TNPO1: variants seen among roughly 807,000 people sequenced by gnomAD.
TNPO1 encodes the protein transportin-1.
TNPO1 carries 8 observed loss-of-function variants against 119.5 expected under a neutral mutation model. That is an observed-to-expected ratio of 0.07 (90% CI 0.04 to 0.12). The LOEUF is 0.12. TNPO1 is among the 10% of genes least tolerant of loss of function. The probability of loss-of-function intolerance (pLI) is 1.00; values close to 1 mark genes in which losing one functional copy is unlikely to be tolerated. For missense variants in TNPO1, 576 were observed against 1,089.8 expected, an observed-to-expected ratio of 0.53 and a Z score of 6.64; for synonymous variants, 362 against 363.0, an observed-to-expected ratio of 1.00 and a Z score of 0.03.
chr5:72,827,042 A>G (rs1321273198), intron 1 of TNPO1, among the ~76,000 whole-genome samples: 1 of 152,146 alleles, frequency 6.6e-6, no homozygotes, highest in Non-Finnish European at 1.5e-5. Flanking sequence ...TAGAGAGAAA[A>G]GGAAGAGGAC....
chr5:72,858,815 T>C (rs1465851807), intron 4 of TNPO1, among the ~76,000 whole-genome samples: 2 of 151,876 alleles, frequency 1.3e-5, no homozygotes, highest in South Asian at 2.1e-4. Context: ...CCAGCCTGGA[T>C]GACAGAGTGA....
intron 11 of TNPO1, among the ~76,000 whole-genome samples, chr5:72,885,939 G>A (rs546309713): frequency 6.6e-5 from 10 of 152,186 alleles, no homozygotes; most frequent in Admixed American, 5.2e-4. Context: ...ATGACAGAAG[G>A]ACACACTTAA....
intron 7 of TNPO1, among the ~76,000 whole-genome samples, chr5:72,874,008 T>A (rs149132348): frequency 1.3e-5 from 2 of 152,120 alleles, no homozygotes; most frequent in Non-Finnish European, 2.9e-5. Flanking sequence ...CAGCACCTTA[T>A]AAGGAAATAT....
chr5:72,818,821 A>C (rs1426260812), intron 1 of TNPO1, among the ~76,000 whole-genome samples: 1 of 152,238 alleles, frequency 6.6e-6, no homozygotes, highest in South Asian at 2.1e-4. Context: ...TTCAAAAACA[A>C]TGGCGAACAA....
intron 9 of TNPO1, among the ~76,000 whole-genome samples, chr5:72,879,495 A>G (rs1276793840): frequency 6.6e-6 from 1 of 152,056 alleles, no homozygotes; most frequent in Non-Finnish European, 1.5e-5. Context: ...ACATTAAACA[A>G]CTCAAGCCAG....
chr5:72,865,253 C>G (rs1029085071), intron 5 of TNPO1, among the ~76,000 whole-genome samples: 1 of 151,930 alleles, frequency 6.6e-6, no homozygotes, highest in Non-Finnish European at 1.5e-5. Context: ...ACCAGCCTGG[C>G]CAACACAGTG....
At chr5:72,849,197 A>T (rs1745357682) in intron 2 of TNPO1, among the ~76,000 whole-genome samples, 1 of 152,166 alleles carries the variant, frequency 6.6e-6, no homozygotes, top group Non-Finnish European at 1.5e-5. Context: ...ACAATTATGT[A>T]GGTCTTTACC....
intron 7 of TNPO1, 37 bp downstream of exon 7, chr5:72,872,757 CTTT>C: frequency 1.7e-6 from 2 of 1,183,496 alleles, no homozygotes; most frequent in South Asian, 1.6e-5. Context: ...AACCCCCCAG[CTTT>C]TTTTTTTTGA....
rs375004939 is a variant in TNPO1, at chr5:72,876,480, CACT to C, written c.802-741_802-739del. 2.9e-3 allele frequency among the ~76,000 whole-genome samples: 444 copies of C among 152,302 alleles called. 3 individuals are homozygous for C. Among genetic ancestry groups the C allele is most frequent in the South Asian group, 0.016 (79 of 4,820 alleles). On this transcript the variant is annotated intron_variant, in intron 8 of 24. Transcript: ENST00000337273. Reference sequence around the variant, plus strand: ...AAATTATATTCGCACTAAGAGATGTCACTACTACTTCCCAAATGAAAAATTATC... The same window carrying C: ...AAATTATATTCGCACTAAGAGATGTCACTACTTCCCAAATGAAAAATTATC...
intron 1 of TNPO1, among the ~76,000 whole-genome samples, chr5:72,845,132 GTTAATA>G (rs970607246): frequency 3.8e-4 from 56 of 149,276 alleles, no homozygotes; most frequent in African/African-American, 1.3e-3. Flanking sequence ...AAGTTGTAAA[GTTAATA>G]TTAGTGTAGT....
intron 22 of TNPO1, among the ~76,000 whole-genome samples, chr5:72,902,552 A>G (rs769351720): frequency 5.3e-5 from 8 of 151,902 alleles, no homozygotes; most frequent in East Asian, 1.9e-4. Flanking sequence ...TGTGATCTCA[A>G]ATGTGTGCTA....
At chr5:72,894,337 T>A (rs1459819063) in intron 18 of TNPO1, among the ~76,000 whole-genome samples, 2 of 151,954 alleles carry the variant, frequency 1.3e-5, no homozygotes, top group Admixed American at 1.3e-4. Context: ...GTTATGGGAT[T>A]TTTTTCCCCC....
At chr5:72,840,721 TTAAC>T (rs1379279278) in intron 1 of TNPO1, among the ~76,000 whole-genome samples, 19 of 152,298 alleles carry the variant, frequency 1.2e-4, no homozygotes, top group African/African-American at 2.6e-4. Context: ...TTTGTAAACT[TTAAC>T]TAGCATTTAG....
At chr5:72,823,008 A>G (rs888789196) in intron 1 of TNPO1, among the ~76,000 whole-genome samples, 30 of 143,132 alleles carry the variant, frequency 2.1e-4, no homozygotes, top group African/African-American at 7.7e-4. Context: ...TCAACTTTTC[A>G]TACCCTTCTA....
intron 4 of TNPO1, among the ~76,000 whole-genome samples, chr5:72,861,601 A>G (rs1295589114): frequency 6.6e-6 from 1 of 151,904 alleles, no homozygotes; most frequent in Non-Finnish European, 1.5e-5. Context: ...AGAGGGTTTC[A>G]TCATGTTGCC....
intron 20 of TNPO1, among the ~76,000 whole-genome samples, chr5:72,897,598 T>C (rs1446548051): frequency 2.0e-5 from 3 of 151,972 alleles, no homozygotes; most frequent in African/African-American, 7.2e-5. Context: ...GAATTGGGAA[T>C]TTAGGCAGTA....
At chr5:72,901,164 C>T in intron 22 of TNPO1, 91 bp downstream of exon 22, 11 of 777,876 alleles carry the variant, frequency 1.4e-5, no homozygotes, top group Non-Finnish European at 2.1e-5. Context: ...AAAAAGTTAA[C>T]TATTTTCAAA....
At chr5:72,861,176 G>T (rs962985489) in intron 4 of TNPO1, among the ~76,000 whole-genome samples, 1 of 152,092 alleles carries the variant, frequency 6.6e-6, no homozygotes, top group Non-Finnish European at 1.5e-5. Flanking sequence ...CTCCCAAAGT[G>T]CTGGGATTAC....
chr5:72,891,762 T>C (rs1579919400), intron 14 of TNPO1, 48 bp from the exon 15 acceptor site: 4 of 1,344,634 alleles, frequency 3.0e-6, no homozygotes, highest in Non-Finnish European at 4.2e-6. Flanking sequence ...AATGGTCTTG[T>C]TGACATGTGA....
Sources: gnomAD v4.1 joint callset for allele counts (sites outside exome capture counted in the v4.1 genomes callset) on GRCh38, gnomAD v4.1.1 for gene constraint, MANE v1.5 for transcripts, NCBI Gene and HGNC (gene_info 2026-07-23, HGNC 2026-07-21) for gene names.